The following FYN variants were observed in gnomAD, a reference collection of about 807,000 sequenced individuals.
FYN encodes tyrosine-protein kinase Fyn.
Under a neutral mutation model 70.2 loss-of-function variants are expected in FYN, and 10 were observed. That is an observed-to-expected ratio of 0.14 (90% confidence interval 0.09 to 0.24). FYN has a LOEUF of 0.24. Among genes scored for constraint, FYN ranks in the 10% least tolerant of loss-of-function variants. FYN has a pLI of 1.00. For missense variants in FYN, 319 were observed against 673.1 expected (o/e 0.47, Z 5.82); for synonymous variants, 236 against 248.6 (o/e 0.95, Z 0.48).
At chr6:111,794,915 T>C in intron 2 of FYN, among the ~76,000 whole-genome samples, 1 of 152,328 alleles carries the variant, frequency 6.6e-6, no homozygotes, top group East Asian at 1.9e-4. Context: ...CCTCTGGGCC[T>C]GTCTCCACAC....
chr6:111,728,393 A>G (rs1171672392), intron 3 of FYN, among the ~76,000 whole-genome samples: 1 of 152,226 alleles, frequency 6.6e-6, no homozygotes, highest in East Asian at 1.9e-4. Context: ...TGAAGCACAC[A>G]GTCCAATGGT....
rs11409465 is a variant in FYN at position 111,764,216 on chromosome 6, C to CAAAAAAAAAAAAAAAAAAAAAAA, written c.-12+16349_-12+16350insTTTTTTTTTTTTTTTTTTTTTTT. ...AAATTGGTCACTGGATTTTGTCAAG[C>CAAAAAAAAAAAAAAAAAAAAAAA]AAAAAAAAAAAAAAAAGAAAAGAAA... On this transcript the variant is annotated intron_variant, in intron 3 of 13. Transcript: ENST00000354650. Among the ~76,000 whole-genome samples the CAAAAAAAAAAAAAAAAAAAAAAA allele has an allele frequency of 4.5e-4, 26 of 58,362 alleles. 1 individual carries two copies. Among genetic ancestry groups the CAAAAAAAAAAAAAAAAAAAAAAA allele is most frequent in the East Asian group, 2.6e-3 (3 of 1,170 alleles). 38.3% of individuals were successfully genotyped at this position (58,362 alleles called of 152,430 possible).
rs569568560 is a variant in FYN, at chr6:111,732,078, AACATGTGCT to A, written c.-11-12025_-11-12017del. ...AGCTGTGGCCACTCTGTGTGGGAGG[AACATGTGCT>A]ACATGGGCTAGACCACTTGTGGATG... is the stretch of plus-strand genomic sequence containing the variant. On this transcript the variant is annotated intron_variant, in intron 3 of 13. Coordinates refer to ENST00000354650, the MANE Select transcript of FYN (RefSeq NM_002037.5). Among the ~76,000 whole-genome samples the A allele has an allele frequency of 5.6e-3, 854 of 152,304 alleles. 9 individuals carry two copies. Among genetic ancestry groups the A allele is most frequent in the African/African-American group, 0.02 (812 of 41,558 alleles).
chr6:111,846,213 C>T (rs1024038724), intron 2 of FYN, among the ~76,000 whole-genome samples: 2 of 152,132 alleles, frequency 1.3e-5, no homozygotes, highest in Admixed American at 6.5e-5. Flanking sequence ...GGACTGAAAA[C>T]GACCTCCTTG....
At chr6:111,851,955 A>G (rs1773698277) in intron 1 of FYN, among the ~76,000 whole-genome samples, 1 of 152,024 alleles carries the variant, frequency 6.6e-6, no homozygotes, top group Non-Finnish European at 1.5e-5. Flanking sequence ...CCTATTTAAA[A>G]GTGTTAGTTT....
intron 1 of FYN, among the ~76,000 whole-genome samples, chr6:111,867,963 C>T (rs1363629468): frequency 6.6e-6 from 1 of 152,192 alleles, no homozygotes; most frequent in Admixed American, 6.5e-5. Context: ...CTCCAAACAG[C>T]CCTGAACTAA....
In FYN at chr6:111,694,712, C is replaced by T. The variant is rs1799500484; in HGVS notation, c.1043-8G>A. On this transcript the variant is annotated splice_region_variant and splice_polypyrimidine_tract_variant and intron_variant, in intron 10 of 13. Transcript: ENST00000354650. The surrounding 1 kb of genome is among the most constrained non-coding windows in gnomAD (Gnocchi z 5.0). ...AGAAATCCAGTAAACTTCCTATGAA[C>T]AAAACATAAAATCATTTCAATTTAC... 1 of 1,600,978 alleles carries T rather than the reference C, an allele frequency of 6.2e-7. No individual in the cohort carries two copies. Among genetic ancestry groups the T allele is most frequent in the African/African-American group, 1.3e-5 (1 of 74,640 alleles).
intron 3 of FYN, among the ~76,000 whole-genome samples, chr6:111,767,576 A>G (rs1157813309): frequency 2.0e-5 from 3 of 151,946 alleles, no homozygotes; most frequent in Non-Finnish European, 4.4e-5. Context: ...AATTTTTTGT[A>G]TTTTTAGTAG....
In FYN at chr6:111,846,582, A is replaced by G. The variant is rs555027791; in HGVS notation, c.-82+7T>C. 5.0e-6 allele frequency: 2 copies of G among 399,010 alleles called. No individual in the cohort carries two copies. Among genetic ancestry groups the G allele is most frequent in the East Asian group, 7.1e-5 (2 of 28,070 alleles). 24.7% of individuals were successfully genotyped at this position (399,010 alleles called of 1,614,324 possible). A position where few individuals can be genotyped will look rare whatever the true frequency, so the allele number is the denominator to read the frequency against. On this transcript the variant is annotated splice_region_variant and intron_variant, in intron 2 of 13. Transcript: ENST00000354650. ...ACTTGCTCTCAGTGCAAAACTTGCCAACTTACTTTTTCCACGTTTAGATCA... is the reference window on the plus strand; with the variant it reads ...ACTTGCTCTCAGTGCAAAACTTGCCGACTTACTTTTTCCACGTTTAGATCA...
chr6:111,734,724 C>T (rs149900935), intron 3 of FYN, among the ~76,000 whole-genome samples: 190 of 152,304 alleles, frequency 1.2e-3, no homozygotes, highest in African/African-American at 4.4e-3. Context: ...AAAGTTACTC[C>T]GAAATCACCA....
rs74782212 is a variant in FYN at position 111,723,687 on chromosome 6, T to C, written c.-11-3625A>G. The stretch of plus-strand genomic sequence containing the variant: ...AAGACGCTACATGAGCTGTATTCAG[T>C]GTGCCCAGGCTCCTTGCTACAAGGC... On this transcript the variant is annotated intron_variant, in intron 3 of 13. Transcript: ENST00000354650. Among the ~76,000 whole-genome samples the C allele has an allele frequency of 1.2e-4, 19 of 152,368 alleles. No homozygotes were observed. The East Asian group carries it at 3.7e-3, about 29-fold the overall frequency.
intron 4 of FYN, among the ~76,000 whole-genome samples, chr6:111,716,102 C>CTG (rs912445122): frequency 1.3e-5 from 2 of 152,230 alleles, no homozygotes; most frequent in African/African-American, 4.8e-5. Flanking sequence ...CCTTCCAAAA[C>CTG]TGTGTACTTG....
At chr6:111,785,281 T>TCC (rs965790824) in intron 2 of FYN, among the ~76,000 whole-genome samples, 10 of 152,240 alleles carry the variant, frequency 6.6e-5, no homozygotes, top group Non-Finnish European at 1.0e-4. Flanking sequence ...TCTCCCATGT[T>TCC]CCCAGCTCCT....
chr6:111,850,679 C>T (rs1463059186), intron 1 of FYN, among the ~76,000 whole-genome samples: 2 of 152,256 alleles, frequency 1.3e-5, no homozygotes, highest in African/African-American at 2.4e-5. Context: ...CTCCTCAATG[C>T]TCTCTGGCAA....
chr6:111,810,824 T>C (rs1772300560), intron 2 of FYN, among the ~76,000 whole-genome samples: 2 of 152,248 alleles, frequency 1.3e-5, no homozygotes, highest in African/African-American at 4.8e-5. Context: ...TCTGTCCTTC[T>C]GAACTCTTCC....
intron 2 of FYN, among the ~76,000 whole-genome samples, chr6:111,845,163 G>C (rs1302520645): frequency 6.6e-6 from 1 of 152,266 alleles, no homozygotes; most frequent in Non-Finnish European, 1.5e-5. Flanking sequence ...GGGAGGGCAA[G>C]TCCTGCAGTC....
intron 12 of FYN, among the ~76,000 whole-genome samples, chr6:111,678,106 ATATGTGTGTGTGTGTGTGTGTGTGTG>A (rs1408762234): frequency 3.4e-5 from 4 of 118,552 alleles, no homozygotes; most frequent in African/African-American, 1.7e-4. Context: ...GAAGGCCATA[ATATGTGTGTGTGTGTGTGTGTGTGTG>A]TGTGTGTGTG....
chr6:111,726,738 T>C (rs1419718478), intron 3 of FYN, among the ~76,000 whole-genome samples: 1 of 152,190 alleles, frequency 6.6e-6, no homozygotes, highest in African/African-American at 2.4e-5. Context: ...CCCAGCCAAA[T>C]CTCACCTCAA....
intron 12 of FYN, among the ~76,000 whole-genome samples, chr6:111,675,762 C>T (rs1037633822): frequency 1.3e-5 from 2 of 151,512 alleles, no homozygotes; most frequent in Admixed American, 1.3e-4. Context: ...CATTATACTC[C>T]AGCCTAGGTG....
Sources: allele counts gnomAD v4.1 joint callset (sites outside exome capture counted in the v4.1 genomes callset), GRCh38; gene constraint gnomAD v4.1.1; non-coding constraint Gnocchi (gnomAD v3.1); transcripts MANE v1.5; gene names NCBI Gene and HGNC (gene_info 2026-07-23, HGNC 2026-07-21).